The following RBMS3 variants were observed in gnomAD, a reference collection of about 807,000 sequenced individuals.
RBMS3 encodes RNA binding motif single stranded interacting protein 3, also known as RNA-binding motif, single-stranded-interacting protein 3.
A neutral mutation model predicts 66.8 loss-of-function variants in RBMS3; 27 were observed. The observed-to-expected ratio is 0.40, with a 90% confidence interval of 0.30 to 0.56. The LOEUF (loss-of-function observed/expected upper bound fraction) is 0.56, where lower values mean the gene tolerates loss of function less well. Ranked by LOEUF, RBMS3 falls within the 20% of genes least tolerant of loss-of-function variation. RBMS3 has a pLI of 0.40. For synonymous variants in RBMS3, 188 were observed against 183.0 expected, an observed-to-expected ratio of 1.03 and a Z score of -0.22; for missense variants, 513 against 549.5, an observed-to-expected ratio of 0.93 and a Z score of 0.66.
At chr3:29,535,044 A>C (rs2045501124) in intron 3 of RBMS3, among the ~76,000 whole-genome samples, 1 of 152,192 alleles carries the variant, frequency 6.6e-6, no homozygotes, top group African/African-American at 2.4e-5. Flanking sequence ...ATTCCTGTGA[A>C]TAAAACTGAG....
chr3:29,666,969 G>A (rs1304981079), intron 4 of RBMS3, among the ~76,000 whole-genome samples: 1 of 152,018 alleles, frequency 6.6e-6, no homozygotes, highest in African/African-American at 2.4e-5. Flanking sequence ...ACCAAATAGG[G>A]CGAAAAAGAA....
intron 3 of RBMS3, among the ~76,000 whole-genome samples, chr3:29,509,555 A>G (rs2044319055): frequency 6.6e-6 from 1 of 152,136 alleles, no homozygotes. Context: ...AAGCCTGGGT[A>G]TTTAATGTCT....
intron 2 of RBMS3, among the ~76,000 whole-genome samples, chr3:29,462,520 G>C (rs2125782604): frequency 6.6e-6 from 1 of 152,308 alleles, no homozygotes; most frequent in African/African-American, 2.4e-5. Context: ...TGGACTTGGA[G>C]CTGATCCTTC....
intron 6 of RBMS3, among the ~76,000 whole-genome samples, chr3:29,776,829 T>C (rs1026559394): frequency 3.9e-5 from 6 of 151,994 alleles, no homozygotes; most frequent in African/African-American, 1.4e-4. Flanking sequence ...TTTTGAGCCT[T>C]ATGTACAGCT....
chr3:29,290,805 A>T (rs1038067752), intron 1 of RBMS3: 2 of 151,812 alleles, frequency 1.3e-5, no homozygotes, highest in Non-Finnish European at 2.9e-5. Context: ...ACATGCAGGA[A>T]TTTCTCTTCA....
At chr3:29,923,056 C>T (rs2060835243) in intron 10 of RBMS3, among the ~76,000 whole-genome samples, 1 of 152,232 alleles carries the variant, frequency 6.6e-6, no homozygotes, top group Non-Finnish European at 1.5e-5. Context: ...GGGATTACCT[C>T]CATTGGCTAA....
intron 5 of RBMS3, among the ~76,000 whole-genome samples, chr3:29,750,389 C>G (rs559594773): frequency 6.6e-6 from 1 of 152,112 alleles, no homozygotes; most frequent in African/African-American, 2.4e-5. Context: ...GTCAAAGATA[C>G]AATTGACAAG....
At chr3:29,812,875 G>T (rs1482448698) in intron 6 of RBMS3, among the ~76,000 whole-genome samples, 3 of 151,956 alleles carry the variant, frequency 2.0e-5, no homozygotes, top group Non-Finnish European at 1.5e-5. Context: ...ATTATACTTT[G>T]CTTATTGATT....
chr3:29,967,333 T>A (rs1158761363), intron 12 of RBMS3, among the ~76,000 whole-genome samples: 1 of 152,164 alleles, frequency 6.6e-6, no homozygotes, highest in African/African-American at 2.4e-5. Flanking sequence ...GATTTGTTTT[T>A]GTTTTTATTT....
At position 29,537,836 on chromosome 3, in the gene RBMS3, A is replaced by T. The variant is rs549647710; in HGVS notation, c.308-49278A>T. 7.3e-5 allele frequency among the ~76,000 whole-genome samples: 11 copies of T among 151,004 alleles called. No homozygotes were observed. In the East Asian group the frequency reaches 1.2e-3, roughly 16 times the overall value. ...AGACTCCACCTCAAAAAAAAAAAAA[A>T]AAAGAAAGAAAGAAAAAAAATTTGC... On this transcript the variant is annotated intron_variant, in intron 3 of 14. Transcript: ENST00000383767.
chr3:29,454,512 A>C (rs2042118050), intron 2 of RBMS3, among the ~76,000 whole-genome samples: 2 of 152,214 alleles, frequency 1.3e-5, no homozygotes, highest in South Asian at 4.1e-4. Context: ...TGGAAGAACA[A>C]GAGCTCTATT....
At chr3:29,744,660 T>A (rs1260917673) in intron 5 of RBMS3, among the ~76,000 whole-genome samples, 1 of 152,028 alleles carries the variant, frequency 6.6e-6, no homozygotes, top group Non-Finnish European at 1.5e-5. Flanking sequence ...GGCACGTGCC[T>A]GTAATCCGAG....
At chr3:29,985,665 C>T (rs944003410) in intron 12 of RBMS3, among the ~76,000 whole-genome samples, 1 of 152,166 alleles carries the variant, frequency 6.6e-6, no homozygotes, top group Non-Finnish European at 1.5e-5. Context: ...GGCTCACCCT[C>T]CTTGGGCTGC....
chr3:29,413,310 A>G (rs575741457), intron 1 of RBMS3, among the ~76,000 whole-genome samples: 6 of 152,156 alleles, frequency 3.9e-5, no homozygotes, highest in African/African-American at 1.4e-4. Flanking sequence ...CAGAGGTTGC[A>G]GTGAGCTGAG....
intron 6 of RBMS3, among the ~76,000 whole-genome samples, chr3:29,865,616 A>G (rs759992134): frequency 6.6e-6 from 1 of 152,166 alleles, no homozygotes; most frequent in Non-Finnish European, 1.5e-5. Context: ...TATGATATTA[A>G]GGGAAAACTG....
intron 4 of RBMS3, among the ~76,000 whole-genome samples, chr3:29,618,849 T>A (rs573940772): frequency 2.6e-5 from 4 of 152,160 alleles, no homozygotes; most frequent in African/African-American, 9.7e-5. Context: ...CTTCTCTTTT[T>A]CCCTATTCCA....
intron 1 of RBMS3, among the ~76,000 whole-genome samples, chr3:29,364,375 G>A (rs111484463): frequency 3.3e-5 from 5 of 152,152 alleles, no homozygotes; most frequent in African/African-American, 9.7e-5. Context: ...GTGGCAGACC[G>A]TGACTATATT....
At chr3:29,886,152 T>A (rs2149583993) in intron 8 of RBMS3, among the ~76,000 whole-genome samples, 1 of 151,958 alleles carries the variant, frequency 6.6e-6, no homozygotes, top group South Asian at 2.1e-4. Flanking sequence ...AAAAATAAAA[T>A]CAGTAGTAAT....
intron 6 of RBMS3, among the ~76,000 whole-genome samples, chr3:29,793,358 A>G (rs189545248): frequency 9.9e-5 from 15 of 151,958 alleles, no homozygotes; most frequent in Admixed American, 9.8e-4. Flanking sequence ...TTTTTTTTCC[A>G]CTTCTGTATA....
Sources: allele counts gnomAD v4.1 joint callset (sites outside exome capture counted in the v4.1 genomes callset), GRCh38; gene constraint gnomAD v4.1.1; transcripts MANE v1.5; gene names NCBI Gene and HGNC (gene_info 2026-07-23, HGNC 2026-07-21).